The following OPCML variants were observed in gnomAD, a reference collection of about 807,000 sequenced individuals.
The protein encoded by OPCML is opioid binding protein/cell adhesion molecule like.
Under a neutral mutation model 37.8 loss-of-function variants are expected in OPCML, and 13 were observed. That is an observed-to-expected ratio of 0.34 (90% confidence interval 0.22 to 0.55). OPCML has a LOEUF of 0.55. OPCML is among the 20% of genes least tolerant of loss of function. OPCML has a pLI of 0.91. For missense variants in OPCML, 341 were observed against 435.6 expected (o/e 0.78, Z 1.93); for synonymous variants, 176 against 168.8 (o/e 1.04, Z -0.33).
chr11:132,505,251 A>G (rs550220855), intron 4 of OPCML, among the ~76,000 whole-genome samples: 2 of 152,204 alleles, frequency 1.3e-5, no homozygotes, highest in South Asian at 4.2e-4. Flanking sequence ...ATACTGTGGA[A>G]AAAGGAAAAT....
chr11:132,943,951 G>C lies in OPCML; in HGVS notation c.62-941C>G, dbSNP rs565507355. ...GACCGCCGGGGTTGTCATGGCAGCAGCTCCATCCCTGACCGCCACTTTCTC... is the reference window on the plus strand; with the variant it reads ...GACCGCCGGGGTTGTCATGGCAGCACCTCCATCCCTGACCGCCACTTTCTC... On this transcript the variant is annotated intron_variant, in intron 1 of 7. Transcript: ENST00000524381. The surrounding 1 kb of genome is among the most constrained non-coding windows in gnomAD (Gnocchi z 4.3). Among the ~76,000 whole-genome samples the C allele has an allele frequency of 1.4e-3, 206 of 152,016 alleles. No homozygotes were observed. Among genetic ancestry groups the C allele is most frequent in the African/African-American group, 4.8e-3 (200 of 41,550 alleles).
intron 1 of OPCML, among the ~76,000 whole-genome samples, chr11:133,375,214 CACA>C (rs1944774596): frequency 6.6e-6 from 1 of 152,214 alleles, no homozygotes; most frequent in Non-Finnish European, 1.5e-5. Flanking sequence ...TCTCACAACA[CACA>C]ACACTTAGCG....
chr11:132,640,293 G>GGA (rs1940775113), intron 3 of OPCML, among the ~76,000 whole-genome samples: 3 of 151,936 alleles, frequency 2.0e-5, no homozygotes, highest in Admixed American at 1.3e-4. Context: ...TTGGTAGGAT[G>GGA]GAAGCAAAAA....
At chr11:133,066,734 TG>T (rs1948446992) in intron 1 of OPCML, 2 of 152,496 alleles carry the variant, frequency 1.3e-5, no homozygotes, top group Non-Finnish European at 2.9e-5. Flanking sequence ...TGGAGTGCAG[TG>T]ATGTGATCTC....
At chr11:132,704,039 GT>G (rs1165649174) in intron 2 of OPCML, among the ~76,000 whole-genome samples, 2 of 152,056 alleles carry the variant, frequency 1.3e-5, no homozygotes, top group African/African-American at 2.4e-5. Flanking sequence ...TGTTTGGTTG[GT>G]TTTTTTGCAG....
intron 2 of OPCML, among the ~76,000 whole-genome samples, chr11:132,809,848 ATTTAT>A (rs1939226629): frequency 6.6e-6 from 1 of 151,380 alleles, no homozygotes; most frequent in South Asian, 2.1e-4. Flanking sequence ...TTATGTACTT[ATTTAT>A]TTTATTTTTA....
At chr11:133,395,922 C>T (rs1403421765) in intron 1 of OPCML, among the ~76,000 whole-genome samples, 2 of 152,038 alleles carry the variant, frequency 1.3e-5, no homozygotes, top group Non-Finnish European at 2.9e-5. Context: ...CTGTGGAGAA[C>T]GTCGTTGGTA....
chr11:133,114,104 C>A (rs1949296170), intron 1 of OPCML, among the ~76,000 whole-genome samples: 1 of 152,170 alleles, frequency 6.6e-6, no homozygotes, highest in Non-Finnish European at 1.5e-5. Flanking sequence ...GAAGAATTTC[C>A]ACATAAACCT....
At chr11:132,732,387 G>GGAGAAA (rs1166633203) in intron 2 of OPCML, among the ~76,000 whole-genome samples, 1 of 152,154 alleles carries the variant, frequency 6.6e-6, no homozygotes, top group East Asian at 1.9e-4. Flanking sequence ...TGTTGTTAAG[G>GGAGAAA]GAGAAAGGGG....
intron 1 of OPCML, among the ~76,000 whole-genome samples, chr11:133,185,937 G>A (rs1938052230): frequency 6.6e-6 from 1 of 152,134 alleles, no homozygotes; most frequent in Admixed American, 6.5e-5. Context: ...AGATACATGT[G>A]AGTACAATTT....
At chr11:133,131,971 A>G (rs1326763167) in intron 1 of OPCML, among the ~76,000 whole-genome samples, 2 of 152,222 alleles carry the variant, frequency 1.3e-5, no homozygotes, top group East Asian at 3.8e-4. Context: ...CTTAAAATGG[A>G]TTATGGACCT....
At chr11:132,745,429 C>G (rs1312047462) in intron 2 of OPCML, among the ~76,000 whole-genome samples, 4 of 151,948 alleles carry the variant, frequency 2.6e-5, no homozygotes, top group Non-Finnish European at 5.9e-5. Context: ...AGCTCTGGAG[C>G]CTTAAGCACT....
intron 1 of OPCML, among the ~76,000 whole-genome samples, chr11:133,131,814 A>T (rs1381866584): frequency 6.6e-6 from 1 of 152,178 alleles, no homozygotes; most frequent in Non-Finnish European, 1.5e-5. Flanking sequence ...TTTTGTCTTT[A>T]TATGGACAAC....
intron 1 of OPCML, among the ~76,000 whole-genome samples, chr11:133,121,003 A>C (rs939931455): frequency 6.6e-6 from 1 of 152,080 alleles, no homozygotes; most frequent in Admixed American, 6.6e-5. Flanking sequence ...GCTCACCGCA[A>C]CCTCTGCTTC....
intron 1 of OPCML, among the ~76,000 whole-genome samples, chr11:133,482,030 T>C (rs1441405537): frequency 6.6e-6 from 1 of 152,174 alleles, no homozygotes; most frequent in South Asian, 2.1e-4. Flanking sequence ...AGCAGAAACC[T>C]GGGCACTTAG....
intron 2 of OPCML, among the ~76,000 whole-genome samples, chr11:132,843,790 C>T (rs1394740858): frequency 6.6e-6 from 1 of 152,208 alleles, no homozygotes; most frequent in Non-Finnish European, 1.5e-5. Flanking sequence ...TACCTGACCA[C>T]ATCTTTGTAG....
chr11:132,572,783 T>C (rs1362988607), intron 3 of OPCML, among the ~76,000 whole-genome samples: 2 of 152,084 alleles, frequency 1.3e-5, no homozygotes, highest in African/African-American at 4.8e-5. Context: ...TCTATTTCTG[T>C]AGAAAAGTCT....
At chr11:132,743,159 C>T (rs889665193) in intron 2 of OPCML, among the ~76,000 whole-genome samples, 2 of 152,154 alleles carry the variant, frequency 1.3e-5, no homozygotes, top group Non-Finnish European at 2.9e-5. Context: ...ACATTATGCT[C>T]AGGAACTGGT....
intron 1 of OPCML, among the ~76,000 whole-genome samples, chr11:133,048,131 A>T (rs188667384): frequency 3.4e-4 from 51 of 152,180 alleles, no homozygotes; most frequent in Admixed American, 1.2e-3. Context: ...TCCCTATGGG[A>T]TGCTAACTCC....
Sources: allele counts gnomAD v4.1 joint callset (sites outside exome capture counted in the v4.1 genomes callset), GRCh38; gene constraint gnomAD v4.1.1; non-coding constraint Gnocchi (gnomAD v3.1); transcripts MANE v1.5; gene names NCBI Gene and HGNC (gene_info 2026-07-23, HGNC 2026-07-21).